Variants in DAPK1 observed in about 807,000 individuals in gnomAD.
The protein encoded by DAPK1 is death associated protein kinase 1, also known as death-associated protein kinase 1.
DAPK1 carries 56 observed loss-of-function variants against 144.9 expected under a neutral mutation model. That is an observed-to-expected ratio of 0.39 (90% CI 0.31 to 0.48). The LOEUF (loss-of-function observed/expected upper bound fraction) is 0.48, where lower values mean the gene tolerates loss of function less well. Among genes scored for constraint, DAPK1 ranks in the 20% least tolerant of loss-of-function variants. The pLI, the probability that DAPK1 is intolerant of heterozygous loss-of-function variation, is 0.95. For synonymous variants in DAPK1, 690 were observed against 749.0 expected (o/e 0.92, Z 1.29); for missense variants, 1,454 against 1,875.4 (o/e 0.78, Z 4.15).
chr9:87,567,853 G>A (rs760663824), intron 2 of DAPK1, among the ~76,000 whole-genome samples: 2 of 152,148 alleles, frequency 1.3e-5, no homozygotes, highest in South Asian at 2.1e-4. Flanking sequence ...GCTAGCGATC[G>A]TTTCCATGGG....
At chr9:87,499,444 C>G in intron 2 of DAPK1, 1 of 425,858 alleles carries the variant, frequency 2.3e-6, no homozygotes, top group Non-Finnish European at 4.2e-6. Flanking sequence ...TCTGTGACAA[C>G]AGGACAAACA....
chr9:87,648,775 C>G lies in DAPK1; in HGVS notation c.1330-6C>G, dbSNP rs1564045529. On this transcript the variant is annotated splice_region_variant and splice_polypyrimidine_tract_variant and intron_variant, in intron 14 of 25. Coordinates refer to ENST00000408954, the MANE Select transcript of DAPK1 (RefSeq NM_004938.4). ...CTCTGAATCACCGGCTCCTTTTCTT[C>G]TGCAGTCTGGAGAGATGGCCCTCCA... The G allele has an allele frequency of 1.2e-6, 2 of 1,613,382 alleles. No homozygotes were observed. The highest frequency in any genetic ancestry group is 1.7e-5 in the Admixed American group (1 of 60,030).
intron 2 of DAPK1, among the ~76,000 whole-genome samples, chr9:87,501,695 T>C (rs900177798): frequency 3.3e-5 from 5 of 152,266 alleles, no homozygotes; most frequent in African/African-American, 9.6e-5. Flanking sequence ...ACAAGTATTA[T>C]TGTTAATGTT....
intron 2 of DAPK1, among the ~76,000 whole-genome samples, chr9:87,557,080 C>T (rs771465314): frequency 5.3e-5 from 8 of 152,192 alleles, no homozygotes; most frequent in Non-Finnish European, 1.0e-4. Context: ...CCTCACCCTT[C>T]CCTCTTGGCG....
chr9:87,501,460 G>A (rs1824392044), intron 2 of DAPK1, among the ~76,000 whole-genome samples: 1 of 152,144 alleles, frequency 6.6e-6, no homozygotes, highest in Admixed American at 6.5e-5. Context: ...CATGAGAATC[G>A]CCTGAACCTG....
chr9:87,558,576 C>T (rs1826798658), intron 2 of DAPK1, among the ~76,000 whole-genome samples: 1 of 152,190 alleles, frequency 6.6e-6, no homozygotes, highest in Non-Finnish European at 1.5e-5. Context: ...CACCAACGTC[C>T]CTTTCGACGA....
chr9:87,635,743 C>T (rs1451912956), intron 3 of DAPK1, among the ~76,000 whole-genome samples: 2 of 152,192 alleles, frequency 1.3e-5, no homozygotes, highest in Non-Finnish European at 1.5e-5. Flanking sequence ...CTTATGACTC[C>T]TCTTTGGGGA....
intron 19 of DAPK1, 122 bp downstream of exon 19, chr9:87,668,796 T>C: frequency 1.4e-6 from 1 of 740,556 alleles, no homozygotes; most frequent in Non-Finnish European, 2.4e-6. Context: ...TTAGGAACAG[T>C]GGTCCCTGTC....
In DAPK1 at chr9:87,514,903, A is replaced by G. The variant is rs529539234; in HGVS notation, c.62+15764A>G. On this transcript the variant is annotated intron_variant, in intron 2 of 25. Transcript: ENST00000408954. ...ATACCATAGAAATTGAATGTCTGCAATGGGAGTTGCTGGTTTCTCTGTTTT... is the reference window on the plus strand; with the variant it reads ...ATACCATAGAAATTGAATGTCTGCAGTGGGAGTTGCTGGTTTCTCTGTTTT... 1.2e-4 allele frequency among the ~76,000 whole-genome samples: 19 copies of G among 152,318 alleles called. 1 individual carries two copies. The South Asian group carries it at 3.9e-3, about 32-fold the overall frequency.
chr9:87,606,756 TC>T lies in DAPK1; in HGVS notation c.284+1583del, dbSNP rs1172697390. Among the ~76,000 whole-genome samples the T allele has an allele frequency of 4.7e-5, 5 of 105,526 alleles. No homozygotes were observed. In the South Asian group the frequency reaches 2.2e-3, roughly 46 times the overall value. The allele number at this position is 105,526 out of a possible 152,430, so 69.2% of individuals were successfully genotyped here. On this transcript the variant is annotated intron_variant, in intron 3 of 25. Coordinates refer to ENST00000408954, the MANE Select transcript of DAPK1 (RefSeq NM_004938.4). ...CTCCCTCTCTCCTTCCTTCCTTCTT[TC>T]CTTCCTTCCTCCCTCCCTCCCTCCC...
rs145957768 is a variant in DAPK1, at chr9:87,597,343, G to A, written c.63-7611G>A. Among the ~76,000 whole-genome samples, 1,226 of 152,272 alleles carry A rather than the reference G, an allele frequency of 8.1e-3. 13 individuals are homozygous for A. Among genetic ancestry groups the A allele is most frequent in the Admixed American group, 0.017 (258 of 15,298 alleles). On this transcript the variant is annotated intron_variant, in intron 2 of 25. Transcript: ENST00000408954. ...AAGCAAAGCTGTAGGGGCCTTTGAG[G>A]ACCAAAGGAGGCAAACCAAATATGT...
At chr9:87,553,958 C>T (rs1826601689) in intron 2 of DAPK1, 1 of 152,206 alleles carries the variant, frequency 6.6e-6, no homozygotes, top group South Asian at 2.1e-4. Context: ...CAAAAGGGAA[C>T]CCGATCGGGA....
At chr9:87,519,733 C>G (rs1825222500) in intron 2 of DAPK1, among the ~76,000 whole-genome samples, 1 of 152,158 alleles carries the variant, frequency 6.6e-6, no homozygotes. Context: ...TCCTCAGGAT[C>G]TGGTCTTTTT....
At chr9:87,683,008 T>G (rs191578280) in intron 20 of DAPK1, among the ~76,000 whole-genome samples, 1 of 152,274 alleles carries the variant, frequency 6.6e-6, no homozygotes, top group East Asian at 1.9e-4. Context: ...TTTAAAAAAT[T>G]TAAAAGTAGA....
chr9:87,518,002 C>T (rs1825125932), intron 2 of DAPK1, among the ~76,000 whole-genome samples: 1 of 152,026 alleles, frequency 6.6e-6, no homozygotes, highest in South Asian at 2.1e-4. Context: ...TGCCCCATAG[C>T]ACGGGTAGTG....
intron 2 of DAPK1, among the ~76,000 whole-genome samples, chr9:87,604,004 G>A (rs191799755): frequency 3.7e-4 from 57 of 152,258 alleles, no homozygotes; most frequent in East Asian, 2.1e-3. Flanking sequence ...GGCTTATGTC[G>A]CTGAAACATC....
intron 2 of DAPK1, among the ~76,000 whole-genome samples, chr9:87,571,498 A>ACACACACACACACACACACAC (rs1554684284): frequency 4.3e-4 from 20 of 46,500 alleles, no homozygotes; most frequent in Non-Finnish European, 5.6e-4. Flanking sequence ...CACACACCCC[A>ACACACACACACACACACACAC]ACACACACAC....
intron 19 of DAPK1, among the ~76,000 whole-genome samples, chr9:87,679,817 C>T (rs1417155483): frequency 6.6e-6 from 1 of 152,132 alleles, no homozygotes; most frequent in Non-Finnish European, 1.5e-5. Context: ...TTCCCAGCCC[C>T]CTCTGCAGCA....
intron 2 of DAPK1, among the ~76,000 whole-genome samples, chr9:87,539,871 C>T (rs900432792): frequency 1.3e-5 from 2 of 152,012 alleles, no homozygotes; most frequent in African/African-American, 2.4e-5. Context: ...GAGCCCTCTG[C>T]GTATCAATAA....
Sources: gnomAD v4.1 joint callset for allele counts (sites outside exome capture counted in the v4.1 genomes callset) on GRCh38, gnomAD v4.1.1 for gene constraint, MANE v1.5 for transcripts, NCBI Gene and HGNC (gene_info 2026-07-23, HGNC 2026-07-21) for gene names.